PARM1: variants seen among roughly 807,000 people sequenced by gnomAD.
PARM1 encodes the protein prostate androgen-regulated mucin-like protein 1.
A neutral mutation model predicts 24.6 loss-of-function variants in PARM1; 14 were observed. The ratio of observed to expected loss-of-function variants is 0.57; its 90% CI spans 0.38 to 0.89. The LOEUF (loss-of-function observed/expected upper bound fraction) is 0.89, where lower values mean the gene tolerates loss of function less well. Among genes scored for constraint, PARM1 ranks in the 40% least tolerant of loss-of-function variants. The pLI, the probability that PARM1 is intolerant of heterozygous loss-of-function variation, is 0.00. For synonymous variants in PARM1, 179 were observed against 156.6 expected, an observed-to-expected ratio of 1.14 and a Z score of -1.07; for missense variants, 362 against 380.4, an observed-to-expected ratio of 0.95 and a Z score of 0.40.
At chr4:74,954,553 T>C (rs1721595266) in intron 1 of PARM1, among the ~76,000 whole-genome samples, 1 of 152,200 alleles carries the variant, frequency 6.6e-6, no homozygotes, top group Admixed American at 6.5e-5. Flanking sequence ...AAAGTATAGA[T>C]TGAATCTTGC....
chr4:75,045,718 T>G (rs192943988), intron 3 of PARM1, among the ~76,000 whole-genome samples: 1 of 152,306 alleles, frequency 6.6e-6, no homozygotes, highest in Non-Finnish European at 1.5e-5. Flanking sequence ...CTTTATAAAT[T>G]ATAAGACAAT....
chr4:74,933,169 G>A lies in PARM1; in HGVS notation c.-159G>A, dbSNP rs372325356. The A allele has an allele frequency of 5.4e-5, 32 of 596,796 alleles. 1 individual carries two copies. In the African/African-American group the frequency reaches 5.5e-4, roughly 10 times the overall value. 37.0% of individuals were successfully genotyped at this position (596,796 alleles called of 1,614,324 possible). On this transcript the variant is annotated 5_prime_UTR_variant, in exon 1 of 4. Coordinates refer to ENST00000307428, the MANE Select transcript of PARM1 (RefSeq NM_015393.4). ...CAGCTGACGGAGCTGCGCTGCGTTCGCCTCGTTTGCCTCGCGCCCTCCACT... is the reference window on the plus strand; with the variant it reads ...CAGCTGACGGAGCTGCGCTGCGTTCACCTCGTTTGCCTCGCGCCCTCCACT...
At chr4:75,003,159 A>G (rs189518341) in intron 1 of PARM1, among the ~76,000 whole-genome samples, 4 of 152,152 alleles carry the variant, frequency 2.6e-5, no homozygotes, top group Admixed American at 6.6e-5. Context: ...CTTTCTCTCC[A>G]TGGCCCCACC....
chr4:74,933,652 A>G (rs541203796), intron 1 of PARM1, among the ~76,000 whole-genome samples: 16 of 152,294 alleles, frequency 1.1e-4, no homozygotes, highest in African/African-American at 3.8e-4. Context: ...TCGAACCCAG[A>G]GTGGGCAACA....
At chr4:74,946,690 G>A (rs1458347612) in intron 1 of PARM1, among the ~76,000 whole-genome samples, 2 of 152,148 alleles carry the variant, frequency 1.3e-5, no homozygotes, top group Non-Finnish European at 2.9e-5. Flanking sequence ...ACCACTTAAT[G>A]AGGCACCAAC....
chr4:74,957,786 C>A (rs1429327014), intron 1 of PARM1, among the ~76,000 whole-genome samples: 3 of 152,114 alleles, frequency 2.0e-5, no homozygotes, highest in Admixed American at 6.5e-5. Flanking sequence ...TGCACCAAGA[C>A]CTTTGTGAAC....
At chr4:74,982,153 A>G (rs1014545082) in intron 1 of PARM1, among the ~76,000 whole-genome samples, 1 of 152,200 alleles carries the variant, frequency 6.6e-6, no homozygotes, top group Admixed American at 6.5e-5. Context: ...CGGGACATAG[A>G]TGGAGCTGGA....
At chr4:75,009,149 C>T (rs913049290) in intron 1 of PARM1, among the ~76,000 whole-genome samples, 1 of 152,162 alleles carries the variant, frequency 6.6e-6, no homozygotes, top group Admixed American at 6.6e-5. Flanking sequence ...TAGCATGTGG[C>T]CTAAGTTGGG....
chr4:74,957,267 C>T (rs1721655700), intron 1 of PARM1: 1 of 152,236 alleles, frequency 6.6e-6, no homozygotes. Context: ...CGCAGAGTTA[C>T]TGACACCCAC....
intron 1 of PARM1, among the ~76,000 whole-genome samples, chr4:75,002,627 C>G (rs1369249948): frequency 6.6e-6 from 1 of 152,140 alleles, no homozygotes; most frequent in Admixed American, 6.5e-5. Context: ...TTGTTTAAAG[C>G]TGGTCACTGG....
chr4:74,947,876 T>G (rs1721439314), intron 1 of PARM1, among the ~76,000 whole-genome samples: 1 of 152,198 alleles, frequency 6.6e-6, no homozygotes, highest in Non-Finnish European at 1.5e-5. Flanking sequence ...AAGTCCGCAG[T>G]GTTTAGCAAG....
chr4:75,046,201 A>G lies in PARM1; in HGVS notation c.887A>G (p.Tyr296Cys). 1 of 1,613,062 alleles carries G rather than the reference A, an allele frequency of 6.2e-7. No individual in the cohort carries two copies. The highest frequency in any genetic ancestry group is 8.5e-7 in the Non-Finnish European group (1 of 1,179,126). Residue 296 changes from tyrosine to cysteine, a missense_variant, in exon 4 of 4, where the codon TAC becomes TGC. Transcript: ENST00000307428. ...SYGRLLDDHDYGSWGNYNNPL... is the reference protein window; with the variant it reads ...SYGRLLDDHDCGSWGNYNNPL... The stretch of plus-strand genomic sequence containing the variant: ...GGAAGACTTTTGGACGACCATGACT[A>G]CGGGTCCTGGGGAAACTACAACAAC...
intron 2 of PARM1, among the ~76,000 whole-genome samples, chr4:75,023,517 A>C (rs1723125257): frequency 6.6e-6 from 1 of 152,184 alleles, no homozygotes; most frequent in Admixed American, 6.5e-5. Context: ...TCTTAACTTG[A>C]AGAATTAGAA....
Position 75,038,944 on chromosome 4 carries a change from A to G in PARM1, c.848+4983A>G, listed in dbSNP as rs115490451. 6.3e-4 allele frequency among the ~76,000 whole-genome samples: 96 copies of G among 152,354 alleles called. 1 individual carries two copies. Among genetic ancestry groups the G allele is most frequent in the African/African-American group, 2.2e-3 (90 of 41,580 alleles). On this transcript the variant is annotated intron_variant, in intron 3 of 3. Coordinates refer to ENST00000307428, the MANE Select transcript of PARM1 (RefSeq NM_015393.4). ...CATGGGCTGTTTTCTTCACAAAAAT[A>G]AATGCAGTCTTGATTTATAGACACA... is the stretch of plus-strand genomic sequence containing the variant.
At chr4:74,949,259 C>T (rs1237317810) in intron 1 of PARM1, among the ~76,000 whole-genome samples, 1 of 152,138 alleles carries the variant, frequency 6.6e-6, no homozygotes, top group Admixed American at 6.6e-5. Context: ...AGAAAAAATG[C>T]ATCTATTTGT....
intron 1 of PARM1, among the ~76,000 whole-genome samples, chr4:74,960,421 G>A (rs1157347220): frequency 6.6e-6 from 1 of 151,982 alleles, no homozygotes; most frequent in Admixed American, 6.6e-5. Context: ...ATATGATCAG[G>A]GAAAGGCAGT....
chr4:75,035,850 T>A (rs1323534536), intron 3 of PARM1, among the ~76,000 whole-genome samples: 5 of 152,096 alleles, frequency 3.3e-5, no homozygotes, highest in Non-Finnish European at 5.9e-5. Flanking sequence ...TCCCCCAGAT[T>A]TAAAAAAAAT....
intron 3 of PARM1, among the ~76,000 whole-genome samples, chr4:75,038,207 G>A (rs1419698488): frequency 3.3e-5 from 5 of 152,092 alleles, no homozygotes; most frequent in South Asian, 2.1e-4. Context: ...GGGCCACTGC[G>A]CCCAGCCTGG....
At chr4:75,023,874 T>C (rs1479105142) in intron 2 of PARM1, among the ~76,000 whole-genome samples, 1 of 152,206 alleles carries the variant, frequency 6.6e-6, no homozygotes, top group Non-Finnish European at 1.5e-5. Flanking sequence ...TTCCCTTAAC[T>C]GGCATCAAAG....
Sources: allele counts gnomAD v4.1 joint callset (sites outside exome capture counted in the v4.1 genomes callset), GRCh38; gene constraint gnomAD v4.1.1; transcripts MANE v1.5; gene names NCBI Gene and HGNC (gene_info 2026-07-23, HGNC 2026-07-21).